RIT1: variants seen among roughly 807,000 people sequenced by gnomAD.
RIT1 encodes the protein Ras like without CAAX 1.
In RIT1, 6 loss-of-function variants were observed where a neutral mutation model predicts 25.6. The observed-to-expected ratio is 0.23, with a 90% CI of 0.13 to 0.46. RIT1 has a LOEUF of 0.46. Ranked by LOEUF, RIT1 falls within the 20% of genes least tolerant of loss-of-function variation. RIT1 has a pLI of 0.99. For missense variants in RIT1, 219 were observed against 284.4 expected, an observed-to-expected ratio of 0.77 and a Z score of 1.65; for synonymous variants, 81 against 94.1, an observed-to-expected ratio of 0.86 and a Z score of 0.80.
At chr1:155,909,516 G>A (rs1027010132) in intron 3 of RIT1, among the ~76,000 whole-genome samples, 1 of 152,116 alleles carries the variant, frequency 6.6e-6, no homozygotes, top group Non-Finnish European at 1.5e-5. Context: ...AGGAATGACA[G>A]TAATGTTCTT....
In RIT1 at chr1:155,900,615, T is replaced by C; in HGVS notation, c.433A>G (p.Thr145Ala). The C allele has an allele frequency of 6.2e-7, 1 of 1,613,454 alleles. No homozygotes were observed. The highest frequency in any genetic ancestry group is 8.5e-7 in the Non-Finnish European group (1 of 1,179,618). Residue 145 changes from threonine (T) to alanine (A), a missense_variant, in exon 6 of 6, where the codon ACC becomes GCC. By Grantham distance (58) the Thr-to-Ala change is moderately conservative. Transcript: ENST00000368323. ...KSDLKQLRQV[T>A]KEEGLALARE... ...GCCAAGGCCAATCCTTCTTCCTTGGTGACCTTTAAGGGCAAAATGTGAGAA... is the reference window on the plus strand; with the variant it reads ...GCCAAGGCCAATCCTTCTTCCTTGGCGACCTTTAAGGGCAAAATGTGAGAA...
At chr1:155,906,510 C>T (rs1673441300) in intron 3 of RIT1, among the ~76,000 whole-genome samples, 1 of 152,080 alleles carries the variant, frequency 6.6e-6, no homozygotes. Flanking sequence ...CCTGTAATCC[C>T]AGCACTTTGG....
At chr1:155,903,452 C>CAAAAAA (rs1192641376) in intron 5 of RIT1, among the ~76,000 whole-genome samples, 89 of 53,148 alleles carry the variant, frequency 1.7e-3, no homozygotes, top group Middle Eastern at 0.015. Context: ...GACTCTGTCT[C>CAAAAAA]AAAAAAAAAA....
chr1:155,905,601 T>C (rs977465964), intron 3 of RIT1, among the ~76,000 whole-genome samples: 1 of 152,138 alleles, frequency 6.6e-6, no homozygotes, highest in Non-Finnish European at 1.5e-5. Flanking sequence ...AAGTAACTTA[T>C]ATATATTAAT....
intron 3 of RIT1, among the ~76,000 whole-genome samples, chr1:155,908,230 C>T (rs1301122419): frequency 6.6e-6 from 1 of 151,866 alleles, no homozygotes; most frequent in Non-Finnish European, 1.5e-5. Context: ...CCAAGGCAGA[C>T]AGATCACGAG....
chr1:155,904,947 GAT>G (rs1191275530), intron 3 of RIT1, 143 bp from the exon 4 acceptor site: 5 of 611,104 alleles, frequency 8.2e-6, no homozygotes, highest in Non-Finnish European at 1.5e-5. Context: ...AATCCACTGA[GAT>G]ACATAAACTG....
chr1:155,900,618 C>A lies in RIT1; in HGVS notation c.430G>T (p.Val144Phe), dbSNP rs1449751820. 1 of 1,612,418 alleles carries A rather than the reference C, an allele frequency of 6.2e-7. No individual in the cohort carries two copies. The highest frequency in any genetic ancestry group is 8.5e-7 in the Non-Finnish European group (1 of 1,179,214). ...NKSDLKQLRQ[V>F]TKEEGLALAR... ...AAGGCCAATCCTTCTTCCTTGGTGA[C>A]CTTTAAGGGCAAAATGTGAGAAAAG... Residue 144 changes from valine (V) to phenylalanine (F), a missense_variant and splice_region_variant, in exon 6 of 6, where the codon GTC becomes TTC. Physicochemically the swap from Val to Phe is conservative, Grantham distance 50. Transcript: ENST00000368323.
At chr1:155,909,682 G>A (rs1467977745) in intron 3 of RIT1, among the ~76,000 whole-genome samples, 2 of 152,118 alleles carry the variant, frequency 1.3e-5, no homozygotes, top group Admixed American at 6.5e-5. Context: ...AGTACTTTTC[G>A]AGGCTGAGGT....
rs968579100 is a variant in RIT1, at chr1:155,910,729, G to A, written c.33C>T (p.Cys11=). Reference sequence around the variant, plus strand: ...GTGAGAGCCCAGCGGGGCTGCTACAGCAGCTACCAACTGGGCGAGTTCCAG... The same window carrying A: ...GTGAGAGCCCAGCGGGGCTGCTACAACAGCTACCAACTGGGCGAGTTCCAG... MDSGTRPVGS[C]CSSPAGLSRE... The change falls in exon 2 of 6, where the codon TGC becomes TGT. Residue 11 remains cysteine (C), a synonymous_variant. Coordinates refer to ENST00000368323, the MANE Select transcript of RIT1 (RefSeq NM_006912.6). 1 of 1,614,256 alleles carries A rather than the reference G, an allele frequency of 6.2e-7. No homozygotes were observed. Among genetic ancestry groups the A allele is most frequent in the Non-Finnish European group, 8.5e-7 (1 of 1,180,040 alleles).
At chr1:155,908,316 G>A (rs1442604411) in intron 3 of RIT1, among the ~76,000 whole-genome samples, 1 of 151,360 alleles carries the variant, frequency 6.6e-6, no homozygotes, top group Non-Finnish European at 1.5e-5. Flanking sequence ...TTAGCCGGGC[G>A]TGGTGATGGG....
At chr1:155,910,864 A>T in intron 1 of RIT1, 60 bp from the exon 2 acceptor site, 2 of 1,598,036 alleles carry the variant, frequency 1.3e-6, no homozygotes, top group Middle Eastern at 1.7e-4. Context: ...ACAGCCCTCA[A>T]GCCAGTGCCT....
chr1:155,906,772 AAAAAAAAAAAAAG>A (rs1398193684), intron 3 of RIT1, among the ~76,000 whole-genome samples: 1 of 129,822 alleles, frequency 7.7e-6, no homozygotes, highest in Non-Finnish European at 1.7e-5. Flanking sequence ...CAAAAAAAAA[AAAAAAAAAAAAAG>A]AAAAAAAGAA....
chr1:155,904,485 C>T lies in RIT1; in HGVS notation c.255G>A (p.Met85Ile). 1 of 1,613,552 alleles carries T rather than the reference C, an allele frequency of 6.2e-7. No homozygotes were observed. The highest frequency in any genetic ancestry group is 8.5e-7 in the Non-Finnish European group (1 of 1,179,540). ...CTCCTGCCCTCATATACTGGTCCCG[C>T]ATGGCTGTAAACTCTGCCTAGAGGG... ...DTAGQAEFTA[M>I]RDQYMRAGEG... Residue 85 changes from methionine (M) to isoleucine (I), a missense_variant, in exon 5 of 6, where the codon ATG (methionine) becomes ATA (isoleucine). By Grantham distance (10) the Met-to-Ile change is conservative. Transcript: ENST00000368323.
At chr1:155,901,072 C>T (rs1251247657) in intron 5 of RIT1, among the ~76,000 whole-genome samples, 1 of 152,220 alleles carries the variant, frequency 6.6e-6, no homozygotes, top group Non-Finnish European at 1.5e-5. Context: ...ACCTCGGCCT[C>T]CCAAAGTACT....
At chr1:155,902,626 G>A (rs1184885378) in intron 5 of RIT1, among the ~76,000 whole-genome samples, 2 of 151,818 alleles carry the variant, frequency 1.3e-5, no homozygotes, top group Non-Finnish European at 2.9e-5. Context: ...TGGATCACCT[G>A]ATGTCAGGAC....
In RIT1 at chr1:155,899,169, C is replaced by T. The variant is rs969049108; in HGVS notation, c.*1219G>A. 8 of 207,318 alleles carry T rather than the reference C, an allele frequency of 3.9e-5. 1 individual carries two copies. The highest frequency in any genetic ancestry group is 3.0e-4 in the Admixed American group (5 of 16,806). 12.8% of individuals were successfully genotyped at this position (207,318 alleles called of 1,614,324 possible). A position where few individuals can be genotyped will look rare whatever the true frequency, so the allele number is the denominator to read the frequency against. Reference sequence around the variant, plus strand: ...TCCTCCTAGGACTACAGTTCCTAAACTATGCACAGGGAGCAAAGTGGTATT... The same window carrying T: ...TCCTCCTAGGACTACAGTTCCTAAATTATGCACAGGGAGCAAAGTGGTATT... On this transcript the variant is annotated 3_prime_UTR_variant, in exon 6 of 6. Transcript: ENST00000368323.
chr1:155,900,380 T>C lies in RIT1; in HGVS notation c.*8A>G. 1 of 1,604,016 alleles carries C rather than the reference T, an allele frequency of 6.2e-7. No homozygotes were observed. Among genetic ancestry groups the C allele is most frequent in the Non-Finnish European group, 8.5e-7 (1 of 1,170,978 alleles). On this transcript the variant is annotated 3_prime_UTR_variant, in exon 6 of 6. Coordinates refer to ENST00000368323, the MANE Select transcript of RIT1 (RefSeq NM_006912.6). ...GCAGTTCACAGATAAACACTTCACA[T>C]CTTCTCTTCAAGTTACTGAATCTTT...
At position 155,904,501 on chromosome 1, in the gene RIT1, G is replaced by T. The variant is rs760141559; in HGVS notation, c.239C>A (p.Ala80Glu). Residue 80 changes from alanine to glutamate, a missense_variant and splice_region_variant, in exon 5 of 6, where the codon GCA (alanine) becomes GAA (glutamate). Transcript: ENST00000368323. ...CTGGTCCCGCATGGCTGTAAACTCT[G>T]CCTAGAGGGAAACAAGGGTCATTAT... is the stretch of plus-strand genomic sequence containing the variant. ...NLDILDTAGQ[A>E]EFTAMRDQYM... The T allele has an allele frequency of 1.9e-6, 3 of 1,609,886 alleles. No individual in the cohort carries two copies.
intron 3 of RIT1, among the ~76,000 whole-genome samples, chr1:155,907,726 A>C (rs1571996835): frequency 6.6e-6 from 1 of 152,262 alleles, no homozygotes; most frequent in Admixed American, 6.5e-5. Context: ...GAAACTCAGA[A>C]GACATAAGTA....
Sources: allele counts gnomAD v4.1 joint callset (sites outside exome capture counted in the v4.1 genomes callset), GRCh38; gene constraint gnomAD v4.1.1; transcripts MANE v1.5; gene names NCBI Gene and HGNC (gene_info 2026-07-23, HGNC 2026-07-21).